The following AMOTL1 variants were observed in gnomAD, a reference collection of about 807,000 sequenced individuals.
AMOTL1 encodes the protein angiomotin like 1, also known as angiomotin-like protein 1.
Under a neutral mutation model 102.9 loss-of-function variants are expected in AMOTL1, and 45 were observed. The ratio of observed to expected loss-of-function variants is 0.44; its 90% CI spans 0.34 to 0.56. The LOEUF is 0.56. Among genes scored for constraint, AMOTL1 ranks in the 20% least tolerant of loss-of-function variants. AMOTL1 has a pLI of 0.01. For missense variants in AMOTL1, 1,114 were observed against 1,225.6 expected (o/e 0.91, Z 1.36); for synonymous variants, 481 against 484.7 (o/e 0.99, Z 0.10).
intron 1 of AMOTL1, among the ~76,000 whole-genome samples, chr11:94,785,898 A>G (rs904300590): frequency 1.3e-5 from 2 of 152,108 alleles, no homozygotes; most frequent in African/African-American, 2.4e-5. Context: ...AATATTAAGT[A>G]CTTACTGTCT....
At chr11:94,791,501 G>C (rs1264487145) in intron 1 of AMOTL1, among the ~76,000 whole-genome samples, 1 of 152,220 alleles carries the variant, frequency 6.6e-6, no homozygotes, top group Non-Finnish European at 1.5e-5. Context: ...ATATCTAAAA[G>C]TTACCTACAA....
intron 2 of AMOTL1, among the ~76,000 whole-genome samples, chr11:94,734,637 C>G (rs532360767): frequency 1.3e-5 from 2 of 152,302 alleles, no homozygotes; most frequent in African/African-American, 4.8e-5. Flanking sequence ...CCCTCTAAAT[C>G]AGTCCTGCCC....
chr11:94,778,406 G>T (rs186629158), intron 1 of AMOTL1, among the ~76,000 whole-genome samples: 8 of 152,220 alleles, frequency 5.3e-5, no homozygotes, highest in Admixed American at 4.6e-4. Context: ...GGAGCTTAAT[G>T]GTTAAGACTC....
intron 1 of AMOTL1, among the ~76,000 whole-genome samples, chr11:94,726,544 A>G (rs1950262186): frequency 6.7e-6 from 1 of 148,204 alleles, no homozygotes; most frequent in African/African-American, 2.5e-5. Context: ...CTTATCAGGC[A>G]TATTAGTATT....
intron 3 of AMOTL1, among the ~76,000 whole-genome samples, chr11:94,750,662 C>T (rs2135489081): frequency 6.6e-6 from 1 of 152,296 alleles, no homozygotes; most frequent in Non-Finnish European, 1.5e-5. Flanking sequence ...CCTATGTATC[C>T]TGCCATCCTC....
intron 1 of AMOTL1, among the ~76,000 whole-genome samples, chr11:94,779,730 AT>A (rs760959086): frequency 2.9e-4 from 44 of 152,220 alleles, no homozygotes; most frequent in African/African-American, 1.0e-3. Context: ...TGATTTAGAC[AT>A]TTTTTTCAAA....
At chr11:94,824,747 C>T (rs559341706) in intron 4 of AMOTL1, among the ~76,000 whole-genome samples, 2 of 152,310 alleles carry the variant, frequency 1.3e-5, no homozygotes, top group South Asian at 4.1e-4. Flanking sequence ...GATGTGACCC[C>T]TGTTTTGCTG....
chr11:94,853,086 G>A (rs1952579417), intron 7 of AMOTL1, among the ~76,000 whole-genome samples: 1 of 152,034 alleles, frequency 6.6e-6, no homozygotes, highest in Admixed American at 6.5e-5. Flanking sequence ...TATAGAATAA[G>A]CATTTCTTCA....
intron 3 of AMOTL1, among the ~76,000 whole-genome samples, chr11:94,757,168 C>T (rs1950736426): frequency 6.6e-6 from 1 of 151,944 alleles, no homozygotes; most frequent in Admixed American, 6.6e-5. Flanking sequence ...TCTAGCACAG[C>T]AATAATTAAA....
intron 4 of AMOTL1, among the ~76,000 whole-genome samples, chr11:94,824,320 A>T (rs961135270): frequency 1.3e-5 from 2 of 152,186 alleles, no homozygotes. Context: ...CCTCATCAAC[A>T]TCACAATGAA....
Position 94,800,293 on chromosome 11 carries a change from C to G in AMOTL1, c.1103C>G (p.Pro368Arg). Residue 368 changes from proline (P) to arginine (R), a missense_variant, in exon 3 of 13, where the codon CCT (proline) becomes CGT (arginine). Pro to Arg is a moderately radical substitution (Grantham distance 103). Transcript: ENST00000433060. Reference sequence around the variant, plus strand: ...GCCGTCCTGCGGTACCAGCCACCCCCTGAGTATGGGGTAACGAGGTGATTA... The same window carrying G: ...GCCGTCCTGCGGTACCAGCCACCCCGTGAGTATGGGGTAACGAGGTGATTA... The part of the protein sequence containing the change: ...DVAVLRYQPP[P>R]EYGVTSRPCQ... 2 of 1,608,676 alleles carry G rather than the reference C, an allele frequency of 1.2e-6. No homozygotes were observed. The highest frequency in any genetic ancestry group is 1.7e-6 in the Non-Finnish European group (2 of 1,177,554).
chr11:94,737,374 A>AT (rs1485209062), intron 2 of AMOTL1, among the ~76,000 whole-genome samples: 4 of 152,234 alleles, frequency 2.6e-5, no homozygotes, highest in African/African-American at 7.2e-5. Context: ...TTGTTAAGGG[A>AT]TAAAAAGAGT....
intron 9 of AMOTL1, among the ~76,000 whole-genome samples, chr11:94,860,823 A>C (rs1049039688): frequency 2.0e-5 from 3 of 152,190 alleles, no homozygotes; most frequent in African/African-American, 7.2e-5. Flanking sequence ...TAAAAGCCAC[A>C]TTGCCTTGGG....
Position 94,743,219 on chromosome 11 carries a change from G to C in AMOTL1, c.136+2231G>C, listed in dbSNP as rs1171559557. ...CTTATCTGCAAAAAGCGGGGGTTGT[G>C]CCCGGGGATCCCTAAGGCGTCTTCC... On this transcript the variant is annotated intron_variant, in intron 3 of 4. Transcript: ENST00000299004. Among the ~76,000 whole-genome samples, 3 of 152,186 alleles carry C rather than the reference G, an allele frequency of 2.0e-5. No homozygotes were observed. In the East Asian group the frequency reaches 5.8e-4, roughly 29 times the overall value.
At chr11:94,711,471 G>A (rs1950021042) in intron 1 of AMOTL1, among the ~76,000 whole-genome samples, 1 of 152,048 alleles carries the variant, frequency 6.6e-6, no homozygotes, top group African/African-American at 2.4e-5. Flanking sequence ...CTCATTGTGT[G>A]TGTGTGTGTT....
chr11:94,745,635 G>T (rs1276255024), intron 3 of AMOTL1, among the ~76,000 whole-genome samples: 1 of 152,150 alleles, frequency 6.6e-6, no homozygotes, highest in East Asian at 1.9e-4. Flanking sequence ...TGATTAAGCT[G>T]CTTTAAGCCT....
chr11:94,838,303 G>C (rs1466335979), intron 6 of AMOTL1, among the ~76,000 whole-genome samples: 3 of 152,188 alleles, frequency 2.0e-5, no homozygotes, highest in African/African-American at 7.2e-5. Context: ...ATAAATATTT[G>C]CTGGACATTG....
intron 3 of AMOTL1, among the ~76,000 whole-genome samples, chr11:94,805,231 A>T (rs1184482718): frequency 1.3e-5 from 2 of 151,968 alleles, no homozygotes; most frequent in African/African-American, 4.8e-5. Flanking sequence ...TGCTCTGCCC[A>T]CCTTCTGTTT....
At chr11:94,760,167 C>T (rs1950774689) in intron 3 of AMOTL1, among the ~76,000 whole-genome samples, 1 of 152,234 alleles carries the variant, frequency 6.6e-6, no homozygotes, top group African/African-American at 2.4e-5. Context: ...AAAGAGGCTG[C>T]ATCTTTTGGG....
Sources: allele counts gnomAD v4.1 joint callset (sites outside exome capture counted in the v4.1 genomes callset), GRCh38; gene constraint gnomAD v4.1.1; transcripts MANE v1.5; gene names NCBI Gene and HGNC (gene_info 2026-07-23, HGNC 2026-07-21).